The following CTSD variants were observed in gnomAD, a reference collection of about 807,000 sequenced individuals.
The protein encoded by CTSD is ceroid-lipofuscinosis, neuronal 10.
A neutral mutation model predicts 43.6 loss-of-function variants in CTSD; 28 were observed. The ratio of observed to expected loss-of-function variants is 0.64; its 90% CI spans 0.48 to 0.88. The LOEUF is 0.88. CTSD is among the 40% of genes least tolerant of loss of function. CTSD has a pLI of 0.00. For synonymous variants in CTSD, 270 were observed against 249.8 expected, an observed-to-expected ratio of 1.08 and a Z score of -0.76; for missense variants, 485 against 555.2, an observed-to-expected ratio of 0.87 and a Z score of 1.27.
chr11:1,753,733 G>GCTCACCTGGAGCGTGCGCCCC (rs1411983968), intron 8 of CTSD, 63 bp from the exon 9 acceptor site: 11 of 1,606,634 alleles, frequency 6.8e-6, no homozygotes, highest in Non-Finnish European at 9.4e-6. Context: ...CCTGTTGCCC[G>GCTCACCTGGAGCGTGCGCCCC]CTCACCTGGA....
Position 1,763,852 on chromosome 11 carries a change from G to A in CTSD, c.8C>T (p.Pro3Leu), listed in dbSNP as rs757712173. The A allele has an allele frequency of 7.7e-4, 1,173 of 1,524,814 alleles. 1 individual carries two copies. The highest frequency in any genetic ancestry group is 9.1e-4 in the Non-Finnish European group (1,044 of 1,141,492). 94.5% of individuals were successfully genotyped at this position (1,524,814 alleles called of 1,614,324 possible). MQ[P>L]SSLLPLALCL... is the part of the protein sequence containing the mutation. The stretch of plus-strand genomic sequence containing the variant: ...GAGGGCGAGCGGCAGAAGGCTGGAG[G>A]GCTGCATGGCGGCGGCGGCCGGGTC... The change falls in exon 1 of 9, where the codon CCC (proline) becomes CTC (leucine). Residue 3 changes from proline (P) to leucine (L), a missense_variant. Pro to Leu is a moderately conservative substitution (Grantham distance 98). Transcript: ENST00000236671.
At chr11:1,753,766 C>T (rs1052459187) in intron 8 of CTSD, 37 bp downstream of exon 8, 4 of 1,611,186 alleles carry the variant, frequency 2.5e-6, no homozygotes, top group Non-Finnish European at 2.5e-6. Context: ...TCACCGCCCG[C>T]TCACCTGGGG....
Position 1,753,921 on chromosome 11 carries a change from T to G in CTSD, c.973-20A>C, listed in dbSNP as rs1845761284. On this transcript the variant is annotated intron_variant, in intron 7 of 8. Transcript: ENST00000236671. ...CATGTACTAAGAGGGGTCACAGCAG[T>G]GTCAGGGTGGTAGTGGTGGCCTTGG... is the stretch of plus-strand genomic sequence containing the variant. The G allele has an allele frequency of 6.2e-7, 1 of 1,612,686 alleles. No individual in the cohort carries two copies. The highest frequency in any genetic ancestry group is 1.3e-5 in the African/African-American group (1 of 74,880).
intron 1 of CTSD, chr11:1,761,741 T>C (rs1590908958): frequency 3.7e-6 from 2 of 536,586 alleles, no homozygotes; most frequent in South Asian, 3.9e-5. Flanking sequence ...TGGGGGCCAG[T>C]GTGCCCAACC....
chr11:1,761,268 C>G, intron 2 of CTSD, 41 bp downstream of exon 2: 1 of 1,609,080 alleles, frequency 6.2e-7, no homozygotes, highest in African/African-American at 1.3e-5. Context: ...GCTCTCCTGA[C>G]AGTGGCTCCG....
intron 1 of CTSD, chr11:1,763,448 G>C (rs1485003727): frequency 3.1e-6 from 1 of 320,488 alleles, no homozygotes; most frequent in Non-Finnish European, 5.8e-6. Context: ...GCTCAGTACA[G>C]ACCCCAATTC....
In CTSD at chr11:1,753,831, T is replaced by C. The variant is rs1303239764; in HGVS notation, c.1043A>G (p.Lys348Arg). The change falls in exon 8 of 9, where the codon AAG becomes AGG. Residue 348 changes from lysine to arginine, a missense_variant. Physicochemically the swap from Lys to Arg is conservative, Grantham distance 26 (BLOSUM62 2). Coordinates refer to ENST00000236671, the MANE Select transcript of CTSD (RefSeq NM_001909.5). ...ITLKLGGKGY[K>R]LSPEDYTLKV... The stretch of plus-strand genomic sequence containing the variant: ...GAGCGTGTAGTCCTCTGGGGACAGC[T>C]TGTAGCCTTTGCCTCCCAGCTTCAG... 3.7e-6 allele frequency: 6 copies of C among 1,613,582 alleles called. No individual in the cohort carries two copies. The highest frequency in any genetic ancestry group is 4.2e-6 in the Non-Finnish European group (5 of 1,179,724).
chr11:1,757,334 A>G lies in CTSD; in HGVS notation c.694T>C (p.Tyr232His). ...AACCCACACGCCCACCTGCTCAGGT[A>G]GAAGGAGAAGATGTTCTGGTCCACC... ...KLVDQNIFSF[Y>H]LSRDPDAQPG... The change falls in exon 5 of 9, where the codon TAC (tyrosine) becomes CAC (histidine). Residue 232 changes from tyrosine to histidine, a missense_variant. Coordinates refer to ENST00000236671, the MANE Select transcript of CTSD (RefSeq NM_001909.5). 6.2e-7 allele frequency: 1 copy of G among 1,613,512 alleles called. No individual in the cohort carries two copies. The highest frequency in any genetic ancestry group is 8.5e-7 in the Non-Finnish European group (1 of 1,179,664).
In CTSD at chr11:1,759,183, C is replaced by A. The variant is rs532440973; in HGVS notation, c.353-96G>T. On this transcript the variant is annotated intron_variant, in intron 3 of 8. Transcript: ENST00000236671. ...CCTACAATCTACCATGGAGCCCGCA[C>A]CCCCCAAGCTGCCTCCCCAGGGTGG... 171 of 1,033,352 alleles carry A rather than the reference C, an allele frequency of 1.7e-4. 1 individual carries two copies. In the African/African-American group the frequency reaches 2.3e-3, roughly 14 times the overall value. 64.0% of individuals were successfully genotyped at this position (1,033,352 alleles called of 1,614,324 possible). A position where few individuals can be genotyped will look rare whatever the true frequency, so the allele number is the denominator to read the frequency against.
chr11:1,754,537 A>AGGGGG (rs1845781034), intron 6 of CTSD, among the ~76,000 whole-genome samples: 1 of 63,872 alleles, frequency 1.6e-5, no homozygotes, highest in Non-Finnish European at 3.2e-5. Context: ...GGATGGAGGG[A>AGGGGG]TGGAGGGATG....
At chr11:1,762,858 G>C (rs115773484) in intron 1 of CTSD, among the ~76,000 whole-genome samples, 1,690 of 152,324 alleles carry the variant, frequency 0.011, 39 homozygotes, top group African/African-American at 0.039. Flanking sequence ...ACAGCCTTTG[G>C]TGAGGCTCAG....
At position 1,753,794 on chromosome 11, in the gene CTSD, C is replaced by A; in HGVS notation, c.1071+9G>T. The A allele has an allele frequency of 6.2e-7, 1 of 1,613,208 alleles. No homozygotes were observed. The highest frequency in any genetic ancestry group is 2.2e-5 in the East Asian group (1 of 44,854). On this transcript the variant is annotated intron_variant, in intron 8 of 8. Transcript: ENST00000236671. ...ACCTGGGGCGTGCGGCACCCCATTG[C>A]CCGCTCACCTTGAGCGTGTAGTCCT...
At chr11:1,757,604 C>T (rs1397257171) in intron 4 of CTSD, 48 bp from the exon 5 acceptor site, 1 of 1,456,890 alleles carries the variant, frequency 6.9e-7, no homozygotes, top group Non-Finnish European at 9.4e-7. Flanking sequence ...CTGAGCCCTA[C>T]ACCACTCCCT....
rs755754247 is a variant in CTSD at position 1,761,502 on chromosome 11, CCCTCCCG to C, written c.69-41_69-35del. On this transcript the variant is annotated intron_variant, in intron 1 of 8. Coordinates refer to ENST00000236671, the MANE Select transcript of CTSD (RefSeq NM_001909.5). ...CACGGGTCGGGGCATATCAGGGAGG[CCCTCCCG>C]CCTGCCGGCCGACGCTGCCAATGCT... is the stretch of plus-strand genomic sequence containing the variant. The C allele has an allele frequency of 3.7e-6, 6 of 1,612,496 alleles. No individual in the cohort carries two copies. The South Asian group carries it at 6.6e-5, about 18-fold the overall frequency.
At chr11:1,762,609 C>T (rs1845895487) in intron 1 of CTSD, 1 of 152,184 alleles carries the variant, frequency 6.6e-6, no homozygotes, top group Non-Finnish European at 1.5e-5. Flanking sequence ...ACACGCCCTC[C>T]AGGGACCAGG....
intron 5 of CTSD, chr11:1,755,335 G>C: frequency 6.7e-6 from 3 of 445,230 alleles, no homozygotes; most frequent in Non-Finnish European, 1.3e-5. Flanking sequence ...GGCAGACAAG[G>C]AAGTGAGTGC....
rs754324854 is a variant in CTSD at position 1,753,462 on chromosome 11, C to G, written c.*41G>C. 4 of 1,611,682 alleles carry G rather than the reference C, an allele frequency of 2.5e-6. No homozygotes were observed. Among genetic ancestry groups the G allele is most frequent in the Non-Finnish European group, 3.4e-6 (4 of 1,179,022 alleles). ...GGGCCAGGGGCCTCCTGCTCTGGGA[C>G]TCTCCTCTGTTTCTGTGCTGGCGCG... On this transcript the variant is annotated 3_prime_UTR_variant, in exon 9 of 9. Transcript: ENST00000236671.
At chr11:1,758,878 C>G (rs1845840536) in intron 4 of CTSD, 91 bp downstream of exon 4, 3 of 973,674 alleles carry the variant, frequency 3.1e-6, no homozygotes, top group Non-Finnish European at 3.3e-6. Flanking sequence ...GCTGGGATCA[C>G]CGAGCCCTCC....
At chr11:1,756,578 G>A (rs934968116) in intron 5 of CTSD, among the ~76,000 whole-genome samples, 3 of 152,168 alleles carry the variant, frequency 2.0e-5, no homozygotes, top group African/African-American at 4.8e-5. Flanking sequence ...GGAGGCCGCC[G>A]GCTGACACGC....
Sources: gnomAD v4.1 joint callset for allele counts (sites outside exome capture counted in the v4.1 genomes callset) on GRCh38, gnomAD v4.1.1 for gene constraint, MANE v1.5 for transcripts, NCBI Gene and HGNC (gene_info 2026-07-23, HGNC 2026-07-21) for gene names.